Variants in ARFGEF1 observed in about 807,000 individuals in gnomAD.
The protein encoded by ARFGEF1 is ARF guanine nucleotide exchange factor 1, also known as brefeldin A-inhibited guanine nucleotide-exchange protein 1.
A neutral mutation model predicts 231.0 loss-of-function variants in ARFGEF1; 42 were observed. The observed-to-expected ratio is 0.18, with a 90% CI of 0.14 to 0.24. ARFGEF1 has a LOEUF of 0.24. ARFGEF1 is among the 10% of genes least tolerant of loss of function. The pLI is 1.00. For missense variants in ARFGEF1, 1,345 were observed against 2,192.0 expected (o/e 0.61, Z 7.72); for synonymous variants, 710 against 732.3 (o/e 0.97, Z 0.49).
Position 67,198,049 on chromosome 8 carries a change from C to T in ARFGEF1, c.*885G>A. Reference sequence around the variant, plus strand: ...AATCTGGATTCATTTTGCAGTGATTCAAGTTTTGGTCCATAAAGGATCATT... The same window carrying T: ...AATCTGGATTCATTTTGCAGTGATTTAAGTTTTGGTCCATAAAGGATCATT... On this transcript the variant is annotated 3_prime_UTR_variant, in exon 39 of 39. Transcript: ENST00000262215. The T allele has an allele frequency of 2.0e-6, 2 of 985,824 alleles. No individual in the cohort carries two copies. Among genetic ancestry groups the T allele is most frequent in the Non-Finnish European group, 2.4e-6 (2 of 829,926 alleles). The allele number at this position is 985,824 out of a possible 1,614,324, so 61.1% of individuals were successfully genotyped here.
In ARFGEF1 at chr8:67,197,808, T is replaced by C. The variant is rs1398957196; in HGVS notation, c.*1126A>G. ...CTGTACCATATACATTTTGTCCATC[T>C]GAAAAAATTTTCTACATCCACTGTT... On this transcript the variant is annotated 3_prime_UTR_variant, in exon 39 of 39. Coordinates refer to ENST00000262215, the MANE Select transcript of ARFGEF1 (RefSeq NM_006421.5). 1.0e-6 allele frequency: 1 copy of C among 985,776 alleles called. No individual in the cohort carries two copies. Among genetic ancestry groups the C allele is most frequent in the Non-Finnish European group, 1.2e-6 (1 of 829,936 alleles). The allele number at this position is 985,776 out of a possible 1,614,324, so 61.1% of individuals were successfully genotyped here.
At chr8:67,176,281 C>G (rs917842151) in intron 5 of ARFGEF1, among the ~76,000 whole-genome samples, 1 of 152,074 alleles carries the variant, frequency 6.6e-6, no homozygotes, top group South Asian at 2.1e-4. Flanking sequence ...GATGCTCCTG[C>G]TAGTTATTTT....
chr8:67,221,191 T>C (rs905864862), intron 29 of ARFGEF1, among the ~76,000 whole-genome samples: 8 of 152,250 alleles, frequency 5.3e-5, no homozygotes, highest in Non-Finnish European at 1.0e-4. Flanking sequence ...ATGTATTTAC[T>C]ATACTGCACC....
In ARFGEF1 at chr8:67,273,541, A is replaced by G. The variant is rs537340383; in HGVS notation, c.1338-1605T>C. Reference sequence around the variant, plus strand: ...AAAAATTTTATGGTTATAAGTGTCAAGTAATTCAAGAAGCTACGTAAATCT... The same window carrying G: ...AAAAATTTTATGGTTATAAGTGTCAGGTAATTCAAGAAGCTACGTAAATCT... On this transcript the variant is annotated intron_variant, in intron 9 of 38. Transcript: ENST00000262215. Among the ~76,000 whole-genome samples the G allele has an allele frequency of 2.9e-4, 44 of 152,078 alleles. No individual in the cohort carries two copies. In the South Asian group the frequency reaches 8.9e-3, roughly 31 times the overall value.
chr8:67,183,923 G>T (rs1833693747), intron 5 of ARFGEF1, among the ~76,000 whole-genome samples: 1 of 144,430 alleles, frequency 6.9e-6, no homozygotes, highest in African/African-American at 2.7e-5. Context: ...CGTGATCTTG[G>T]CTCACTGCAA....
chr8:67,277,186 C>T, intron 8 of ARFGEF1, 96 bp downstream of exon 8: 2 of 1,205,720 alleles, frequency 1.7e-6, no homozygotes, highest in Non-Finnish European at 2.3e-6. Flanking sequence ...AATCAGGCAG[C>T]ATCATCAGCT....
chr8:67,334,692 A>G (rs1297104384), intron 1 of ARFGEF1, among the ~76,000 whole-genome samples: 1 of 152,222 alleles, frequency 6.6e-6, no homozygotes, highest in Non-Finnish European at 1.5e-5. Flanking sequence ...TAAACAAAAT[A>G]TAGGATATCT....
rs74531251 is a variant in ARFGEF1 at position 67,220,624 on chromosome 8, C to T, written c.4209-1064G>A. 6.0e-3 allele frequency among the ~76,000 whole-genome samples: 920 copies of T among 152,254 alleles called. 10 individuals are homozygous for T. Among genetic ancestry groups the T allele is most frequent in the African/African-American group, 0.021 (857 of 41,544 alleles). ...AAAGAAACCATAGTAAAGAAACTCC[C>T]GGGAAAGAAAGTCTTCCACAGGAGA... On this transcript the variant is annotated intron_variant, in intron 29 of 38. Transcript: ENST00000262215.
intron 5 of ARFGEF1, among the ~76,000 whole-genome samples, chr8:67,177,145 G>A (rs1325132068): frequency 6.0e-5 from 9 of 150,572 alleles, no homozygotes; most frequent in Non-Finnish European, 1.3e-4. Flanking sequence ...AAATATCTGA[G>A]AAGGAATACA....
At position 67,245,336 on chromosome 8, in the gene ARFGEF1, T is replaced by C. The variant is rs916321019; in HGVS notation, c.2851-5046A>G. Among the ~76,000 whole-genome samples the C allele has an allele frequency of 5.3e-5, 8 of 150,456 alleles. 1 individual carries two copies. The highest frequency in any genetic ancestry group is 1.2e-4 in the Non-Finnish European group (8 of 67,872). On this transcript the variant is annotated intron_variant, in intron 19 of 38. Transcript: ENST00000262215. ...AGAAAAATATAGTATTATAACACTGTGTAACTGTGGACATGTAAAATACTC... is the reference window on the plus strand; with the variant it reads ...AGAAAAATATAGTATTATAACACTGCGTAACTGTGGACATGTAAAATACTC...
intron 14 of ARFGEF1, among the ~76,000 whole-genome samples, chr8:67,264,567 G>A (rs1317863951): frequency 1.3e-5 from 2 of 152,060 alleles, no homozygotes; most frequent in African/African-American, 2.4e-5. Context: ...TAAGATGCAC[G>A]CAGGAAGAAA....
At chr8:67,182,318 T>C (rs80245622) in intron 5 of ARFGEF1, among the ~76,000 whole-genome samples, 4,439 of 113,940 alleles carry the variant, frequency 0.039, 84 homozygotes, top group African/African-American at 0.1. Context: ...AGATTTCCCC[T>C]TTTTTTTTTT....
intron 30 of ARFGEF1, 68 bp downstream of exon 30, chr8:67,219,363 T>C: frequency 6.6e-7 from 1 of 1,510,342 alleles, no homozygotes; most frequent in Non-Finnish European, 8.9e-7. Context: ...AACACTAAAA[T>C]GTATTGATTA....
chr8:67,259,077 T>C (rs1359569365), intron 15 of ARFGEF1, among the ~76,000 whole-genome samples: 1 of 152,220 alleles, frequency 6.6e-6, no homozygotes, highest in African/African-American at 2.4e-5. Flanking sequence ...GAAAAAAAGT[T>C]CGTACATGTT....
In ARFGEF1 at chr8:67,201,796, T is replaced by C. The variant is rs1587023924; in HGVS notation, c.5129-191A>G. The stretch of plus-strand genomic sequence containing the variant: ...TCCCTCCCTATTCAAGCTGGGGATA[T>C]GAGATATAAAAAAACTTGTGGCCTG... On this transcript the variant is annotated intron_variant, in intron 36 of 38. Transcript: ENST00000262215. The C allele has an allele frequency of 1.3e-5, 9 of 674,590 alleles. No individual in the cohort carries two copies. The East Asian group carries it at 2.7e-4, about 20-fold the overall frequency. The allele number at this position is 674,590 out of a possible 1,614,324, so 41.8% of individuals were successfully genotyped here.
intron 10 of ARFGEF1, 29 bp downstream of exon 10, chr8:67,271,673 G>T (rs753467553): frequency 6.9e-7 from 1 of 1,449,712 alleles, no homozygotes; most frequent in Non-Finnish European, 9.6e-7. Context: ...ATATCCAATA[G>T]TAACATTATG....
chr8:67,328,322 T>C (rs1807935472), intron 1 of ARFGEF1, among the ~76,000 whole-genome samples: 1 of 152,230 alleles, frequency 6.6e-6, no homozygotes, highest in Admixed American at 6.5e-5. Context: ...CCTGGATATT[T>C]ACAAGATTAA....
intron 27 of ARFGEF1, 52 bp from the exon 28 acceptor site, chr8:67,226,235 G>A: frequency 7.2e-7 from 1 of 1,392,430 alleles, no homozygotes; most frequent in Non-Finnish European, 9.5e-7. Context: ...ATTCTTAGCT[G>A]TACCAAAAAT....
At chr8:67,228,681 G>A (rs946299003) in intron 23 of ARFGEF1, among the ~76,000 whole-genome samples, 7 of 152,010 alleles carry the variant, frequency 4.6e-5, no homozygotes, top group Non-Finnish European at 1.0e-4. Context: ...TACCAGTAAA[G>A]TATATTTGAT....
Sources: gnomAD v4.1 joint callset for allele counts (sites outside exome capture counted in the v4.1 genomes callset) on GRCh38, gnomAD v4.1.1 for gene constraint, MANE v1.5 for transcripts, NCBI Gene and HGNC (gene_info 2026-07-23, HGNC 2026-07-21) for gene names.